Variants in SLC23A2 observed in about 807,000 individuals in gnomAD.
SLC23A2 encodes the protein Na(+)/L-ascorbic acid transporter 2.
SLC23A2 carries 36 observed loss-of-function variants against 73.3 expected under a neutral mutation model. The observed-to-expected ratio is 0.49, with a 90% confidence interval of 0.38 to 0.65. The LOEUF is 0.65. Among genes scored for constraint, SLC23A2 ranks in the 30% least tolerant of loss-of-function variants. The pLI, the probability that SLC23A2 is intolerant of heterozygous loss-of-function variation, is 0.00. For missense variants in SLC23A2, 507 were observed against 841.6 expected (o/e 0.60, Z 4.92); for synonymous variants, 343 against 327.3 (o/e 1.05, Z -0.52).
chr20:4,903,081 T>C (rs1776965), intron 4 of SLC23A2, among the ~76,000 whole-genome samples: 113,442 of 150,572 alleles, frequency 0.75, 42,715 homozygotes, highest in Non-Finnish European at 0.79. Flanking sequence ...TAACGTTAGG[T>C]GAAAAGAGTA....
intron 2 of SLC23A2, among the ~76,000 whole-genome samples, chr20:4,965,509 C>T (rs919081925): frequency 3.3e-5 from 5 of 152,142 alleles, no homozygotes; most frequent in Admixed American, 1.3e-4. Flanking sequence ...CAGTGGCTCA[C>T]ATTTGTAATC....
In SLC23A2 at chr20:4,884,839, A is replaced by G. The variant is rs1319823591; in HGVS notation, c.572-16T>C. On this transcript the variant is annotated splice_polypyrimidine_tract_variant and intron_variant, in intron 7 of 16. Transcript: ENST00000338244. ...ACTGAAACATCTTGAAAACAAAAAC[A>G]AAGTTTTTCTTGGAGTGACACTGAT... is the stretch of plus-strand genomic sequence containing the variant. The G allele has an allele frequency of 2.6e-6, 4 of 1,517,424 alleles. No homozygotes were observed. The highest frequency in any genetic ancestry group is 3.6e-6 in the Non-Finnish European group (4 of 1,124,252). 94.0% of individuals were successfully genotyped at this position (1,517,424 alleles called of 1,614,324 possible).
intron 15 of SLC23A2, among the ~76,000 whole-genome samples, 155 bp downstream of exon 15, chr20:4,861,793 A>G (rs767514498): frequency 3.9e-5 from 6 of 152,176 alleles, no homozygotes; most frequent in Non-Finnish European, 8.8e-5. Context: ...GCTTCCAGGT[A>G]AGTATTGAAA....
rs1436096122 is a variant in SLC23A2, at chr20:4,857,241, CG to C, written c.1721-38del. 3 of 1,139,626 alleles carry C rather than the reference CG, an allele frequency of 2.6e-6. No homozygotes were observed. The East Asian group carries it at 8.2e-5, about 31-fold the overall frequency. 70.6% of individuals were successfully genotyped at this position (1,139,626 alleles called of 1,614,324 possible). ...CCCAAGATAGAACAAAGGAATGCTT[CG>C]TTTAGCAGCTCTACTGAAAATGAAA... On this transcript the variant is annotated intron_variant, in intron 16 of 16. Transcript: ENST00000338244. This position sits in a 1 kb window ranked among gnomAD's most constrained non-coding sequence, Gnocchi z 4.0.
intron 1 of SLC23A2, among the ~76,000 whole-genome samples, chr20:4,978,310 T>C (rs944109619): frequency 6.6e-6 from 1 of 152,228 alleles, no homozygotes; most frequent in Non-Finnish European, 1.5e-5. Context: ...ACAAGCACTG[T>C]TGACCTTCAA....
chr20:4,961,194 A>G (rs1020863960), intron 2 of SLC23A2, among the ~76,000 whole-genome samples: 11 of 140,300 alleles, frequency 7.8e-5, no homozygotes, highest in African/African-American at 2.4e-4. Flanking sequence ...TGCAACCTGC[A>G]CCTCCCAGGT....
At chr20:4,963,262 A>G (rs1384293049) in intron 2 of SLC23A2, among the ~76,000 whole-genome samples, 1 of 152,180 alleles carries the variant, frequency 6.6e-6, no homozygotes, top group African/African-American at 2.4e-5. Context: ...GCTTTTCTCA[A>G]GTTCATGAAG....
chr20:4,973,512 G>T (rs1305261663), intron 1 of SLC23A2, among the ~76,000 whole-genome samples: 1 of 152,140 alleles, frequency 6.6e-6, no homozygotes, highest in Admixed American at 6.5e-5. Flanking sequence ...CACAGAACTG[G>T]GTCAGAGGTT....
intron 3 of SLC23A2, among the ~76,000 whole-genome samples, chr20:4,925,357 T>C (rs1776972): frequency 0.08 from 12,242 of 152,156 alleles, 559 homozygotes; most frequent in Middle Eastern, 0.13. Context: ...TTTCTCACTA[T>C]TCCCCTCCCT....
chr20:4,898,992 G>C (rs1222983200), intron 6 of SLC23A2, among the ~76,000 whole-genome samples: 2 of 152,206 alleles, frequency 1.3e-5, no homozygotes, highest in African/African-American at 4.8e-5. Context: ...GCCCTTGGGA[G>C]TGAGGCCAGG....
In SLC23A2 at chr20:4,863,330, G is replaced by A. The variant is rs574500254; in HGVS notation, c.1357-423C>T. On this transcript the variant is annotated intron_variant, in intron 13 of 16. Coordinates refer to ENST00000338244, the MANE Select transcript of SLC23A2 (RefSeq NM_005116.6). The surrounding 1 kb of genome is among the most constrained non-coding windows in gnomAD (Gnocchi z 4.8). ...CATGTCTGGAACCTCCTCTCCTCAC[G>A]GCACGCTTCCCGTGAGAGGTGGAAA... Among the ~76,000 whole-genome samples the A allele has an allele frequency of 1.5e-4, 23 of 152,258 alleles. No homozygotes were observed. The highest frequency in any genetic ancestry group is 4.3e-4 in the African/African-American group (18 of 41,530).
At chr20:4,955,356 AACACACACACACACACAC>A (rs71197734) in intron 2 of SLC23A2, among the ~76,000 whole-genome samples, 8 of 144,716 alleles carry the variant, frequency 5.5e-5, no homozygotes, top group African/African-American at 1.5e-4. Context: ...AATGAGTTAA[AACACACACACACACACAC>A]ACACACACAC....
intron 2 of SLC23A2, among the ~76,000 whole-genome samples, chr20:4,956,822 T>TC (rs1461264842): frequency 8.3e-4 from 121 of 146,630 alleles, no homozygotes; most frequent in Middle Eastern, 3.4e-3. Flanking sequence ...TTTTTTTTTT[T>TC]CTGAGACAGA....
Position 4,899,806 on chromosome 20 carries a change from A to G in SLC23A2, c.325-94T>C, listed in dbSNP as rs560930158. Reference sequence around the variant, plus strand: ...ATTCTTCTCTCTTATTGTCGTTAAAAAATAGCCCACATAAAGAATCTCCTT... The same window carrying G: ...ATTCTTCTCTCTTATTGTCGTTAAAGAATAGCCCACATAAAGAATCTCCTT... On this transcript the variant is annotated intron_variant, in intron 5 of 16. Transcript: ENST00000338244. This position sits in a 1 kb window ranked among gnomAD's most constrained non-coding sequence, Gnocchi z 4.9. 3.4e-4 allele frequency: 438 copies of G among 1,287,850 alleles called. 7 individuals are homozygous for G. The Middle Eastern group carries it at 3.5e-3, about 10-fold the overall frequency. 79.8% of individuals were successfully genotyped at this position (1,287,850 alleles called of 1,614,324 possible).
intron 4 of SLC23A2, among the ~76,000 whole-genome samples, chr20:4,907,493 C>T (rs1006445129): frequency 6.6e-6 from 1 of 151,756 alleles, no homozygotes; most frequent in Non-Finnish European, 1.5e-5. Context: ...TAAAAAAAAA[C>T]TATCTTCAGA....
intron 3 of SLC23A2, among the ~76,000 whole-genome samples, chr20:4,923,003 C>T (rs1932547816): frequency 6.6e-6 from 1 of 152,140 alleles, no homozygotes; most frequent in Non-Finnish European, 1.5e-5. Context: ...TTACTAACAT[C>T]TCTCATTTCA....
chr20:4,965,995 G>T (rs997102539), intron 2 of SLC23A2, among the ~76,000 whole-genome samples: 73 of 149,362 alleles, frequency 4.9e-4, no homozygotes, highest in African/African-American at 1.8e-3. Context: ...GGAAGATCAG[G>T]AGATCAAGGC....
upstream of SLC23A2, among the ~76,000 whole-genome samples, chr20:5,001,753 C>T (rs1361530680): frequency 2.0e-5 from 3 of 151,956 alleles, no homozygotes; most frequent in East Asian, 5.8e-4. Context: ...CGACCCTTCC[C>T]ACCAGTCACA....
chr20:4,881,896 T>C lies in SLC23A2; in HGVS notation c.824+1746A>G, dbSNP rs554715833. Among the ~76,000 whole-genome samples the C allele has an allele frequency of 4.6e-4, 70 of 152,286 alleles. 1 individual carries two copies. In the East Asian group the frequency reaches 8.9e-3, roughly 19 times the overall value. ...ATTTTTAACACTTTTTTTTTTAAGC[T>C]TGTAAGTGCTTTGTGGGTTTTGTTC... On this transcript the variant is annotated intron_variant, in intron 9 of 16. Transcript: ENST00000338244.
Sources: allele counts gnomAD v4.1 joint callset (sites outside exome capture counted in the v4.1 genomes callset), GRCh38; gene constraint gnomAD v4.1.1; non-coding constraint Gnocchi (gnomAD v3.1); transcripts MANE v1.5; gene names NCBI Gene and HGNC (gene_info 2026-07-23, HGNC 2026-07-21).